The following MAPKAPK3 variants were observed in gnomAD, a reference collection of about 807,000 sequenced individuals.
MAPKAPK3 encodes the protein MAP kinase-activated protein kinase 3.
Under a neutral mutation model 49.2 loss-of-function variants are expected in MAPKAPK3, and 35 were observed. The ratio of observed to expected loss-of-function variants is 0.71; its 90% CI spans 0.54 to 0.94. The LOEUF (loss-of-function observed/expected upper bound fraction) is 0.94. MAPKAPK3 is among the 40% of genes least tolerant of loss of function. The pLI is 0.00. For missense variants in MAPKAPK3, 398 were observed against 493.1 expected, an observed-to-expected ratio of 0.81 and a Z score of 1.83; for synonymous variants, 178 against 188.7, an observed-to-expected ratio of 0.94 and a Z score of 0.46.
upstream of MAPKAPK3, chr3:50,611,713 C>G (rs2032332971): frequency 7.0e-7 from 1 of 1,434,444 alleles, no homozygotes; most frequent in Non-Finnish European, 9.1e-7. Flanking sequence ...CTGGAGGGAA[C>G]CAGTGGGCGC....
chr3:50,616,693 A>G (rs966982167), upstream of MAPKAPK3, among the ~76,000 whole-genome samples: 9 of 152,148 alleles, frequency 5.9e-5, no homozygotes, highest in African/African-American at 1.7e-4. Flanking sequence ...CAACGACAAG[A>G]TGCCACCTCC....
At position 50,617,598 on chromosome 3, in the gene MAPKAPK3, C is replaced by A; in HGVS notation, c.33C>A (p.Gly11=). 6.3e-7 allele frequency: 1 copy of A among 1,594,428 alleles called. No individual in the cohort carries two copies. The highest frequency in any genetic ancestry group is 8.6e-7 in the Non-Finnish European group (1 of 1,164,802). The change falls in exon 2 of 11, where the codon GGC becomes GGA. Residue 11 remains glycine (G), a synonymous_variant. Transcript: ENST00000621469. ...GTGAAACAGCAGAGGAGCAGGGGGG[C>A]CCTGTGCCCCCGCCAGTTGCACCCG... MDGETAEEQG[G]PVPPPVAPGG...
At chr3:50,631,751 T>A (rs977212393) in intron 2 of MAPKAPK3, among the ~76,000 whole-genome samples, 6 of 152,206 alleles carry the variant, frequency 3.9e-5, no homozygotes, top group Admixed American at 1.3e-4. Flanking sequence ...GTTCAAAGTG[T>A]TTTGTCTTAT....
intron 10 of MAPKAPK3, 104 bp from the exon 11 acceptor site, chr3:50,647,790 A>T: frequency 8.9e-7 from 1 of 1,126,420 alleles, no homozygotes; most frequent in Non-Finnish European, 1.3e-6. Flanking sequence ...CAGAGGCAGC[A>T]CAGGCTGTCA....
At chr3:50,625,049 G>A (rs143751597) in intron 2 of MAPKAPK3, among the ~76,000 whole-genome samples, 25 of 152,330 alleles carry the variant, frequency 1.6e-4, no homozygotes, top group South Asian at 6.2e-4. Context: ...GGCTTAAAAT[G>A]CTTTCTGTGA....
intron 2 of MAPKAPK3, among the ~76,000 whole-genome samples, chr3:50,634,003 C>T (rs2107588287): frequency 6.6e-6 from 1 of 152,310 alleles, no homozygotes; most frequent in African/African-American, 2.4e-5. Context: ...GGCCCTTCTG[C>T]TCTCAAATTT....
intron 2 of MAPKAPK3, among the ~76,000 whole-genome samples, chr3:50,620,919 C>T (rs764131940): frequency 6.6e-6 from 1 of 152,228 alleles, no homozygotes; most frequent in Non-Finnish European, 1.5e-5. Flanking sequence ...GTACCTTCAG[C>T]TTTCCCTCTA....
intron 2 of MAPKAPK3, among the ~76,000 whole-genome samples, chr3:50,627,872 C>T (rs959207201): frequency 1.3e-5 from 2 of 152,144 alleles, no homozygotes; most frequent in African/African-American, 4.8e-5. Flanking sequence ...GCTAGTGCCC[C>T]TGCTACCCCT....
At chr3:50,633,195 G>C (rs564311469) in intron 2 of MAPKAPK3, among the ~76,000 whole-genome samples, 1 of 152,072 alleles carries the variant, frequency 6.6e-6, no homozygotes. Context: ...AATGTTTCTT[G>C]GGCACCTCTC....
At chr3:50,644,691 G>C (rs1352029184) in intron 6 of MAPKAPK3, among the ~76,000 whole-genome samples, 159 bp downstream of exon 6, 3 of 152,178 alleles carry the variant, frequency 2.0e-5, no homozygotes, top group Non-Finnish European at 4.4e-5. Context: ...GGGGCCGGAG[G>C]CTGCAAAAAT....
intron 1 of MAPKAPK3, 62 bp from the exon 2 acceptor site, chr3:50,617,452 G>C (rs2032496712): frequency 1.6e-6 from 1 of 625,976 alleles, no homozygotes; most frequent in Admixed American, 2.9e-5. Flanking sequence ...CAGTTCAGAG[G>C]CTCCAAGGCT....
intron 6 of MAPKAPK3, 39 bp from the exon 7 acceptor site, chr3:50,645,671 C>T: frequency 6.3e-7 from 1 of 1,577,236 alleles, no homozygotes; most frequent in Non-Finnish European, 8.7e-7. Context: ...CTCCAAGACC[C>T]TTGGGTCTGA....
At chr3:50,639,255 C>T (rs887970898) in intron 2 of MAPKAPK3, among the ~76,000 whole-genome samples, 13 of 152,142 alleles carry the variant, frequency 8.5e-5, no homozygotes, top group Non-Finnish European at 1.8e-4. Context: ...GAGGTCACAC[C>T]GAGTCATTGG....
chr3:50,635,585 T>A (rs2033017935), intron 2 of MAPKAPK3, among the ~76,000 whole-genome samples: 1 of 151,394 alleles, frequency 6.6e-6, no homozygotes, highest in Admixed American at 6.6e-5. Flanking sequence ...ACTAACTAAT[T>A]TTTGTATTTT....
At chr3:50,634,770 C>A (rs574175564) in intron 2 of MAPKAPK3, among the ~76,000 whole-genome samples, 1 of 152,312 alleles carries the variant, frequency 6.6e-6, no homozygotes, top group South Asian at 2.1e-4. Flanking sequence ...GGATTACAGG[C>A]GTAAGCCACC....
intron 9 of MAPKAPK3, 21 bp from the exon 10 acceptor site, chr3:50,647,102 C>T (rs534819398): frequency 3.1e-5 from 48 of 1,555,684 alleles, no homozygotes; most frequent in Middle Eastern, 1.7e-4. Context: ...TTCTAATCCA[C>T]GGGCGTGGGG....
At chr3:50,628,454 C>T (rs1224584376) in intron 2 of MAPKAPK3, among the ~76,000 whole-genome samples, 2 of 152,198 alleles carry the variant, frequency 1.3e-5, no homozygotes, top group South Asian at 4.1e-4. Flanking sequence ...ATGTTCCAGT[C>T]TTATGATGAA....
intron 2 of MAPKAPK3, among the ~76,000 whole-genome samples, chr3:50,637,631 C>CAA (rs1243243979): frequency 3.5e-5 from 2 of 56,408 alleles, no homozygotes; most frequent in African/African-American, 7.2e-5. Flanking sequence ...GACTCTGTCT[C>CAA]AAAAAAAAAA....
chr3:50,611,606 G>A, upstream of MAPKAPK3: 1 of 1,522,836 alleles, frequency 6.6e-7, no homozygotes, highest in East Asian at 2.7e-5. Flanking sequence ...TGGTGGCCGG[G>A]AAGGGGGCAG....
Sources: allele counts gnomAD v4.1 joint callset (sites outside exome capture counted in the v4.1 genomes callset), GRCh38; gene constraint gnomAD v4.1.1; transcripts MANE v1.5; gene names NCBI Gene and HGNC (gene_info 2026-07-23, HGNC 2026-07-21).